FCHO2: variants seen among roughly 807,000 people sequenced by gnomAD.
FCHO2 encodes FCH and mu domain containing endocytic adaptor 2.
FCHO2 carries 43 observed loss-of-function variants against 114.1 expected under a neutral mutation model. The ratio of observed to expected loss-of-function variants is 0.38; its 90% CI spans 0.30 to 0.49. The LOEUF is 0.49. Ranked by LOEUF, FCHO2 falls within the 20% of genes least tolerant of loss-of-function variation. The pLI is 0.97. For missense variants in FCHO2, 807 were observed against 950.4 expected (o/e 0.85, Z 1.98); for synonymous variants, 293 against 315.2 (o/e 0.93, Z 0.75).
intron 20 of FCHO2, among the ~76,000 whole-genome samples, chr5:73,076,829 G>T (rs1742929394): frequency 6.6e-6 from 1 of 152,140 alleles, no homozygotes; most frequent in Non-Finnish European, 1.5e-5. Context: ...ATAGACTTGG[G>T]AAATGTGATA....
intron 11 of FCHO2, chr5:73,051,086 T>A: frequency 2.9e-6 from 1 of 347,502 alleles, no homozygotes; most frequent in Non-Finnish European, 5.1e-6. Context: ...ACCTCAGTGA[T>A]TTCTTGCCCT....
chr5:73,040,751 G>A (rs376238206), intron 10 of FCHO2, among the ~76,000 whole-genome samples: 17 of 152,142 alleles, frequency 1.1e-4, no homozygotes, highest in African/African-American at 3.6e-4. Flanking sequence ...TTTAACTTTT[G>A]TATCTACTAA....
intron 5 of FCHO2, among the ~76,000 whole-genome samples, chr5:72,992,305 GAC>G (rs1753851443): frequency 3.3e-5 from 5 of 152,092 alleles, no homozygotes; most frequent in Admixed American, 2.0e-4. Context: ...GCCAAAATGA[GAC>G]ACAGTAAATT....
At chr5:73,085,462 G>T (rs1372821178) in intron 24 of FCHO2, among the ~76,000 whole-genome samples, 3 of 151,980 alleles carry the variant, frequency 2.0e-5, no homozygotes, top group Non-Finnish European at 4.4e-5. Flanking sequence ...TTTTTGATGT[G>T]GTTAGTCAAG....
At chr5:73,065,117 T>C (rs1346092910) in intron 18 of FCHO2, among the ~76,000 whole-genome samples, 1 of 152,004 alleles carries the variant, frequency 6.6e-6, no homozygotes, top group Non-Finnish European at 1.5e-5. Context: ...GAAATGGTGA[T>C]ATCTTTCTTT....
chr5:73,033,285 T>A (rs1756328568), intron 8 of FCHO2, among the ~76,000 whole-genome samples: 1 of 152,150 alleles, frequency 6.6e-6, no homozygotes, highest in South Asian at 2.1e-4. Flanking sequence ...TAGGACCTTG[T>A]TTATCAACTC....
chr5:72,989,375 G>A lies in FCHO2; in HGVS notation c.126-52G>A, dbSNP rs376748959. 4,074 of 1,352,878 alleles carry A rather than the reference G, an allele frequency of 3.0e-3. 7 individuals are homozygous for A. Among genetic ancestry groups the A allele is most frequent in the Non-Finnish European group, 3.8e-3 (3,769 of 982,958 alleles). 83.8% of individuals were successfully genotyped at this position (1,352,878 alleles called of 1,614,324 possible). ...TTAATTGTATTTTGATAACTTTGCT[G>A]TTTTTGGTCACTAAATAAGAAGTAT... is the stretch of plus-strand genomic sequence containing the variant. On this transcript the variant is annotated intron_variant, in intron 2 of 25. Coordinates refer to ENST00000430046, the MANE Select transcript of FCHO2 (RefSeq NM_138782.3).
intron 13 of FCHO2, 80 bp downstream of exon 13, chr5:73,052,587 AG>A: frequency 1.8e-6 from 2 of 1,113,168 alleles, no homozygotes; most frequent in Non-Finnish European, 1.3e-6. Flanking sequence ...AACATTACTT[AG>A]CAATTGTTAA....
At position 73,006,524 on chromosome 5, in the gene FCHO2, A is replaced by G; in HGVS notation, c.575A>G (p.Glu192Gly). 3 of 1,569,990 alleles carry G rather than the reference A, an allele frequency of 1.9e-6. No homozygotes were observed. Among genetic ancestry groups the G allele is most frequent in the Non-Finnish European group, 2.6e-6 (3 of 1,161,548 alleles). Residue 192 changes from glutamate to glycine, a missense_variant, in exon 6 of 26, where the codon GAA (glutamate) becomes GGA (glycine). By Grantham distance (98) the Glu-to-Gly change is moderately conservative. Coordinates refer to ENST00000430046, the MANE Select transcript of FCHO2 (RefSeq NM_138782.3). ...TATGCATTAGCAAAAGCTGATTTCG[A>G]ACAGAAAATGACAGAAACAGCTCAG... ...EKYALAKADF[E>G]QKMTETAQKF...
intron 9 of FCHO2, among the ~76,000 whole-genome samples, chr5:73,035,616 C>T (rs1756458583): frequency 6.6e-6 from 1 of 152,038 alleles, no homozygotes; most frequent in Non-Finnish European, 1.5e-5. Flanking sequence ...GATCCTTGCA[C>T]CTCAGCCCCA....
At chr5:73,055,418 C>T (rs1443405544) in intron 15 of FCHO2, among the ~76,000 whole-genome samples, 1 of 152,170 alleles carries the variant, frequency 6.6e-6, no homozygotes, top group African/African-American at 2.4e-5. Context: ...ACTTTGCATT[C>T]ATCAGGTATT....
chr5:73,078,091 T>C (rs1050486321), intron 21 of FCHO2, 89 bp from the exon 22 acceptor site: 1 of 993,426 alleles, frequency 1.0e-6, no homozygotes, highest in African/African-American at 1.7e-5. Flanking sequence ...TTATTTCTAC[T>C]AGTTTTTCCT....
In FCHO2 at chr5:73,082,793, T is replaced by G; in HGVS notation, c.2213T>G (p.Leu738Trp). The part of the protein sequence containing the change: ...NAEQMKAFWK[L>W]SSISEKSENG... ...GAACAAATGAAAGCCTTTTGGAAAT[T>G]GTCTAGTATTTCAGAAAAATCAGAA... is the stretch of plus-strand genomic sequence containing the variant. The change falls in exon 24 of 26, where the codon TTG becomes TGG. Residue 738 changes from leucine (L) to tryptophan (W), a missense_variant. Physicochemically the swap from Leu to Trp is moderately conservative, Grantham distance 61 (BLOSUM62 -2). Transcript: ENST00000430046. 4 of 1,607,256 alleles carry G rather than the reference T, an allele frequency of 2.5e-6. No homozygotes were observed. The highest frequency in any genetic ancestry group is 3.4e-6 in the Non-Finnish European group (4 of 1,176,758).
At chr5:73,025,897 C>T (rs1755890698) in intron 8 of FCHO2, among the ~76,000 whole-genome samples, 1 of 152,198 alleles carries the variant, frequency 6.6e-6, no homozygotes, top group South Asian at 2.1e-4. Flanking sequence ...TATTTCTCCT[C>T]TTTTGTAAGG....
intron 1 of FCHO2, among the ~76,000 whole-genome samples, chr5:72,964,588 A>G (rs1270966094): frequency 6.6e-6 from 1 of 152,096 alleles, no homozygotes; most frequent in Admixed American, 6.6e-5. Flanking sequence ...GGGTTTCACC[A>G]TGTTGGCCAG....
chr5:73,030,259 G>A (rs1287967615), intron 8 of FCHO2, among the ~76,000 whole-genome samples: 2 of 151,892 alleles, frequency 1.3e-5, no homozygotes, highest in Middle Eastern at 3.4e-3. Context: ...CCAGGCTGGC[G>A]TTGGACTCCT....
intron 17 of FCHO2, among the ~76,000 whole-genome samples, chr5:73,062,794 C>G (rs959564020): frequency 1.3e-5 from 2 of 152,042 alleles, no homozygotes; most frequent in Admixed American, 6.6e-5. Flanking sequence ...ACCTTCCTTT[C>G]ATGCCTCCTT....
intron 8 of FCHO2, among the ~76,000 whole-genome samples, chr5:73,028,883 G>A (rs1047915604): frequency 4.0e-5 from 6 of 151,878 alleles, no homozygotes; most frequent in African/African-American, 1.5e-4. Context: ...TCCTGACCTC[G>A]TGATCCACCC....
At chr5:73,001,569 A>C (rs1348997281) in intron 5 of FCHO2, among the ~76,000 whole-genome samples, 2 of 149,518 alleles carry the variant, frequency 1.3e-5, no homozygotes, top group Non-Finnish European at 3.0e-5. Context: ...TCTCCCTATC[A>C]TCTTGTATTA....
Sources: allele counts gnomAD v4.1 joint callset (sites outside exome capture counted in the v4.1 genomes callset), GRCh38; gene constraint gnomAD v4.1.1; transcripts MANE v1.5; gene names NCBI Gene and HGNC (gene_info 2026-07-23, HGNC 2026-07-21).